Variants in ARID3A observed in about 807,000 individuals in gnomAD.
ARID3A encodes AT-rich interaction domain 3A.
Under a neutral mutation model 52.7 loss-of-function variants are expected in ARID3A, and 11 were observed. The ratio of observed to expected loss-of-function variants is 0.21; its 90% CI spans 0.13 to 0.35. ARID3A has a LOEUF of 0.35. Ranked by LOEUF, ARID3A falls within the 10% of genes least tolerant of loss-of-function variation. The pLI, the probability that ARID3A is intolerant of heterozygous loss-of-function variation, is 1.00. For missense variants in ARID3A, 721 were observed against 838.5 expected (o/e 0.86, Z 1.73); for synonymous variants, 404 against 359.4 (o/e 1.12, Z -1.40).
At chr19:966,399 G>A (rs1159796402) in intron 6 of ARID3A, among the ~76,000 whole-genome samples, 173 bp from the exon 7 acceptor site, 1 of 150,516 alleles carries the variant, frequency 6.6e-6, no homozygotes, top group East Asian at 1.9e-4. Context: ...CAGAGGTTGC[G>A]GTGAGCTGAG....
intron 3 of ARID3A, among the ~76,000 whole-genome samples, chr19:958,527 G>C (rs910263078): frequency 3.9e-5 from 6 of 152,266 alleles, no homozygotes; most frequent in African/African-American, 1.4e-4. Flanking sequence ...TGGAAACGGG[G>C]GAACTTACTG....
At chr19:945,753 G>A (rs1455964710) in intron 3 of ARID3A, among the ~76,000 whole-genome samples, 2 of 152,208 alleles carry the variant, frequency 1.3e-5, no homozygotes, top group African/African-American at 4.8e-5. Context: ...GGACGGCGTC[G>A]ACATGGCCGG....
In ARID3A at chr19:948,855, G is replaced by A. The variant is rs374683700; in HGVS notation, c.694-11237G>A. Among the ~76,000 whole-genome samples, 32 of 151,974 alleles carry A rather than the reference G, an allele frequency of 2.1e-4. No individual in the cohort carries two copies. In the East Asian group the frequency reaches 5.4e-3, roughly 26 times the overall value. ...CTCCCGAGTAGCTGGGACTACAGGCGTGCGCCACCACGCCCGGCTAATTTT... is the reference window on the plus strand; with the variant it reads ...CTCCCGAGTAGCTGGGACTACAGGCATGCGCCACCACGCCCGGCTAATTTT... On this transcript the variant is annotated intron_variant, in intron 3 of 8. Coordinates refer to ENST00000263620, the MANE Select transcript of ARID3A (RefSeq NM_005224.3).
chr19:973,395 T>C lies in ARID3A; in HGVS notation c.*1330T>C, dbSNP rs530717564. On this transcript the variant is annotated 3_prime_UTR_variant, in exon 9 of 9. Transcript: ENST00000263620. ...TCCCAAAGTGCTGGGATTACAGGCA[T>C]GAGCCGCCACGCTGGCCCGGTCTGG... 4 of 188,746 alleles carry C rather than the reference T, an allele frequency of 2.1e-5. No individual in the cohort carries two copies. Among genetic ancestry groups the C allele is most frequent in the African/African-American group, 9.3e-5 (4 of 42,874 alleles). 11.7% of individuals were successfully genotyped at this position (188,746 alleles called of 1,614,324 possible).
rs1165913764 is a variant in ARID3A, at chr19:964,055, C to T, written c.767-193C>T. The stretch of plus-strand genomic sequence containing the variant: ...CCGAGGCAGAGCTGCCCCCTCTGCA[C>T]CCTCTCGAGCAGAGGTTCCCAGCCT... On this transcript the variant is annotated intron_variant, in intron 4 of 8. Coordinates refer to ENST00000263620, the MANE Select transcript of ARID3A (RefSeq NM_005224.3). This position sits in a 1 kb window ranked among gnomAD's most constrained non-coding sequence, Gnocchi z 5.7. Among the ~76,000 whole-genome samples the T allele has an allele frequency of 6.6e-6, 1 of 152,224 alleles. No individual in the cohort carries two copies. Among genetic ancestry groups the T allele is most frequent in the Admixed American group, 6.5e-5 (1 of 15,280 alleles).
chr19:929,777 T>G lies in ARID3A; in HGVS notation c.249T>G (p.Asp83Glu). 1 of 1,552,064 alleles carries G rather than the reference T, an allele frequency of 6.4e-7. No individual in the cohort carries two copies. Among genetic ancestry groups the G allele is most frequent in the Non-Finnish European group, 8.7e-7 (1 of 1,153,608 alleles). Reference sequence around the variant, plus strand: ...CAGCCAGCCCCGGCGGCTCTGAGGATGGGCCCCCAGGCTCGGAGGAGGAGG... The same window carrying G: ...CAGCCAGCCCCGGCGGCTCTGAGGAGGGGCCCCCAGGCTCGGAGGAGGAGG... ...GHPASPGGSE[D>E]GPPGSEEEDA... The change falls in exon 2 of 9, where the codon GAT becomes GAG. Residue 83 changes from aspartate to glutamate, a missense_variant. By Grantham distance (45) the Asp-to-Glu change is conservative. Transcript: ENST00000263620. The surrounding 1 kb of genome is among the most constrained non-coding windows in gnomAD (Gnocchi z 6.2).
In ARID3A at chr19:971,993, C is replaced by T; in HGVS notation, c.1710C>T (p.Thr570=). 1 of 1,601,350 alleles carries T rather than the reference C, an allele frequency of 6.2e-7. No homozygotes were observed. The highest frequency in any genetic ancestry group is 8.5e-7 in the Non-Finnish European group (1 of 1,174,718). Residue 570 remains threonine, a synonymous_variant, in exon 9 of 9, where the codon ACC becomes ACT. Coordinates refer to ENST00000263620, the MANE Select transcript of ARID3A (RefSeq NM_005224.3). ...GCGGCCGGGGAGGAAACACCGGAAC[C>T]AGCGGCGGCCAGGCTGGGCCAGCGG... ...NAGGRGGNTG[T]SGGQAGPAGL... is the part of the protein sequence containing the mutation.
At position 940,223 on chromosome 19, in the gene ARID3A, G is replaced by C. The variant is rs541078497; in HGVS notation, c.693+7481G>C. Among the ~76,000 whole-genome samples the C allele has an allele frequency of 8.0e-4, 122 of 152,242 alleles. 1 individual carries two copies. Among genetic ancestry groups the C allele is most frequent in the African/African-American group, 2.7e-3 (111 of 41,544 alleles). ...GGGTGGCCAACTTTTTGGCTTCCCT[G>C]GGCTACATTGGAAGAAGAAGAATTG... On this transcript the variant is annotated intron_variant, in intron 3 of 8. Coordinates refer to ENST00000263620, the MANE Select transcript of ARID3A (RefSeq NM_005224.3).
At chr19:946,431 T>C (rs1281774521) in intron 3 of ARID3A, among the ~76,000 whole-genome samples, 3 of 148,288 alleles carry the variant, frequency 2.0e-5, no homozygotes, top group Non-Finnish European at 4.4e-5. Context: ...CCGGCTAATT[T>C]TTTGAATCTT....
intron 1 of ARID3A, among the ~76,000 whole-genome samples, chr19:927,447 T>C (rs1047943153): frequency 5.3e-5 from 8 of 151,872 alleles, no homozygotes; most frequent in Admixed American, 5.2e-4. Flanking sequence ...CGTGGAGGTC[T>C]GTCCTGCTCC....
In ARID3A at chr19:964,211, A is replaced by C; in HGVS notation, c.767-37A>C. The C allele has an allele frequency of 6.4e-7, 1 of 1,570,022 alleles. No individual in the cohort carries two copies. Among genetic ancestry groups the C allele is most frequent in the Non-Finnish European group, 8.7e-7 (1 of 1,148,726 alleles). The stretch of plus-strand genomic sequence containing the variant: ...GGACACTCGGCTCCCTGCAGTGCCC[A>C]GGTGGCCCCCAACCTCCCTCTCGCC... On this transcript the variant is annotated intron_variant, in intron 4 of 8. Transcript: ENST00000263620. This position sits in a 1 kb window ranked among gnomAD's most constrained non-coding sequence, Gnocchi z 5.7.
chr19:948,617 TTCTTCA>T (rs2037736366), intron 3 of ARID3A, among the ~76,000 whole-genome samples: 1 of 152,040 alleles, frequency 6.6e-6, no homozygotes, highest in Non-Finnish European at 1.5e-5. Flanking sequence ...TCTTCATTCC[TTCTTCA>T]TTCCTGCCTC....
chr19:966,471 A>AAAAAG, intron 6 of ARID3A, 101 bp from the exon 7 acceptor site: 1 of 1,089,904 alleles, frequency 9.2e-7, no homozygotes, highest in Non-Finnish European at 1.3e-6. Context: ...AAAAAAAAAA[A>AAAAAG]AAAAGAAAAG....
Position 960,258 on chromosome 19 carries a change from G to A in ARID3A, c.766+94G>A. Reference sequence around the variant, plus strand: ...GCTCCAGGTATGTCGGGGCGGTGGTGAGCACCCCGTGGCTGGAGGCATCCA... The same window carrying A: ...GCTCCAGGTATGTCGGGGCGGTGGTAAGCACCCCGTGGCTGGAGGCATCCA... On this transcript the variant is annotated intron_variant, in intron 4 of 8. Coordinates refer to ENST00000263620, the MANE Select transcript of ARID3A (RefSeq NM_005224.3). The surrounding 1 kb of genome is among the most constrained non-coding windows in gnomAD (Gnocchi z 4.3). 8.2e-7 allele frequency: 1 copy of A among 1,225,364 alleles called. No homozygotes were observed. Among genetic ancestry groups the A allele is most frequent in the Non-Finnish European group, 1.1e-6 (1 of 881,558 alleles). The allele number at this position is 1,225,364 out of a possible 1,614,324, so 75.9% of individuals were successfully genotyped here. A position where few individuals can be genotyped will look rare whatever the true frequency, so the allele number is the denominator to read the frequency against.
In ARID3A at chr19:966,453, C is replaced by T. The variant is rs538011616; in HGVS notation, c.1199-119C>T. 9.6e-4 allele frequency: 818 copies of T among 848,336 alleles called. 3 individuals carry two copies. Among genetic ancestry groups the T allele is most frequent in the Non-Finnish European group, 1.2e-3 (762 of 609,734 alleles). 52.6% of individuals were successfully genotyped at this position (848,336 alleles called of 1,614,324 possible). A position where few individuals can be genotyped will look rare whatever the true frequency, so the allele number is the denominator to read the frequency against. On this transcript the variant is annotated intron_variant, in intron 6 of 8. Transcript: ENST00000263620. ...AGCCTGGGCAACAAGAGTGAAACTC[C>T]GTCTCAAAAAAAAAAAAAAAAAGAA...
chr19:936,520 G>A (rs2037442379), intron 3 of ARID3A, among the ~76,000 whole-genome samples: 1 of 152,106 alleles, frequency 6.6e-6, no homozygotes, highest in Non-Finnish European at 1.5e-5. Context: ...CTCCAGCTTG[G>A]TGACAGAGCG....
rs1041807655 is a variant in ARID3A at position 959,174 on chromosome 19, G to A, written c.694-918G>A. Among the ~76,000 whole-genome samples, 9 of 152,222 alleles carry A rather than the reference G, an allele frequency of 5.9e-5. No individual in the cohort carries two copies. Among genetic ancestry groups the A allele is most frequent in the South Asian group, 2.1e-4 (1 of 4,836 alleles). On this transcript the variant is annotated intron_variant, in intron 3 of 8. Transcript: ENST00000263620. This position sits in a 1 kb window ranked among gnomAD's most constrained non-coding sequence, Gnocchi z 5.0. ...ACAGAGGCAGAGGCTGGAGCGACGCGGCCACAAGCCCAGGAACCTGGAGCC... is the reference window on the plus strand; with the variant it reads ...ACAGAGGCAGAGGCTGGAGCGACGCAGCCACAAGCCCAGGAACCTGGAGCC...
At position 938,075 on chromosome 19, in the gene ARID3A, C is replaced by T. The variant is rs1452498290; in HGVS notation, c.693+5333C>T. On this transcript the variant is annotated intron_variant, in intron 3 of 8. Coordinates refer to ENST00000263620, the MANE Select transcript of ARID3A (RefSeq NM_005224.3). The surrounding 1 kb of genome is among the most constrained non-coding windows in gnomAD (Gnocchi z 4.0). ...GGCAGGGTGGTCTTGAACTCCCAACCTCAGGTGATCCTCACACCTCAGCGT... is the reference window on the plus strand; with the variant it reads ...GGCAGGGTGGTCTTGAACTCCCAACTTCAGGTGATCCTCACACCTCAGCGT... Among the ~76,000 whole-genome samples the T allele has an allele frequency of 2.0e-5, 3 of 151,952 alleles. No homozygotes were observed. Among genetic ancestry groups the T allele is most frequent in the Non-Finnish European group, 4.4e-5 (3 of 67,998 alleles).
intron 3 of ARID3A, among the ~76,000 whole-genome samples, chr19:958,699 C>T (rs2037976283): frequency 6.6e-6 from 1 of 152,028 alleles, no homozygotes; most frequent in Admixed American, 6.6e-5. Context: ...CGAGACCATC[C>T]TGGCTAACAC....
Sources: allele counts gnomAD v4.1 joint callset (sites outside exome capture counted in the v4.1 genomes callset), GRCh38; gene constraint gnomAD v4.1.1; non-coding constraint Gnocchi (gnomAD v3.1); transcripts MANE v1.5; gene names NCBI Gene and HGNC (gene_info 2026-07-23, HGNC 2026-07-21).